GLRA2: variants seen among roughly 807,000 people sequenced by gnomAD.
GLRA2 encodes glycine receptor subunit alpha-2.
In GLRA2, 11 loss-of-function variants were observed where a neutral mutation model predicts 31.6. The observed-to-expected ratio is 0.35, with a 90% CI of 0.22 to 0.58. The LOEUF is 0.58. GLRA2 is among the 20% of genes least tolerant of loss of function. The pLI, the probability that GLRA2 is intolerant of heterozygous loss-of-function variation, is 0.84. For missense variants in GLRA2, 212 were observed against 351.8 expected (o/e 0.60, Z 3.18); for synonymous variants, 132 against 134.0 (o/e 0.99, Z 0.10).
chrX:14,714,469 A>G (rs1025588479), intron 8 of GLRA2, among the ~76,000 whole-genome samples: 1 of 111,853 alleles, frequency 8.9e-6, no homozygotes, highest in Middle Eastern at 4.6e-3. Flanking sequence ...GAGAAGAAAT[A>G]AAGAATGGGT....
chrX:14,490,510 A>G, the GLRA2 span, among the ~76,000 whole-genome samples: 3 of 112,538 alleles, frequency 2.7e-5, no homozygotes, highest in African/African-American at 9.7e-5. Flanking sequence ...GGAACAGACA[A>G]TTCTCTAAAA....
In GLRA2 at chrX:14,647,543, A is replaced by G. The variant is rs6628395; in HGVS notation, c.930+38338A>G. Among the ~76,000 whole-genome samples the G allele has an allele frequency of 1.4e-4, 16 of 111,906 alleles. No individual in the cohort carries two copies. The East Asian group carries it at 2.5e-3, about 18-fold the overall frequency. ...TGGAGAAAGGGAAAACAGGAGACCA[A>G]TGGGACCCTGCTAATAGAGGAAAAC... On this transcript the variant is annotated intron_variant, in intron 7 of 8. Transcript: ENST00000218075.
intron 4 of GLRA2, among the ~76,000 whole-genome samples, chrX:14,603,668 A>G (rs1049856486): frequency 8.9e-6 from 1 of 112,211 alleles, no homozygotes; most frequent in African/African-American, 3.2e-5. Context: ...AAACAAATGC[A>G]ATAAAAACAA....
At chrX:14,557,465 CAT>C (rs2089666462) in intron 2 of GLRA2, among the ~76,000 whole-genome samples, 1 of 111,912 alleles carries the variant, frequency 8.9e-6, no homozygotes, top group Admixed American at 9.5e-5. Flanking sequence ...TTTGCTGAAA[CAT>C]GTGAGACTTT....
chrX:14,605,849 C>A lies in GLRA2; in HGVS notation c.578-1282C>A, dbSNP rs759579221. Among the ~76,000 whole-genome samples the A allele has an allele frequency of 4.5e-5, 5 of 111,186 alleles. No individual in the cohort carries two copies. In the East Asian group the frequency reaches 1.4e-3, roughly 32 times the overall value. ...CAAGAACTTTTATTGTGGTGGCCAA[C>A]GAGAAGCTCACCAGACAAGAACGTG... On this transcript the variant is annotated intron_variant, in intron 5 of 8. Transcript: ENST00000218075.
chrX:14,469,475 GA>G, the GLRA2 span, among the ~76,000 whole-genome samples: 1 of 108,220 alleles, frequency 9.2e-6, no homozygotes, highest in Non-Finnish European at 1.9e-5. Flanking sequence ...ACTGGATTAA[GA>G]AAATGTGGCA....
At chrX:14,632,536 T>C (rs901317858) in intron 7 of GLRA2, among the ~76,000 whole-genome samples, 2 of 111,808 alleles carry the variant, frequency 1.8e-5, no homozygotes, top group African/African-American at 6.5e-5. Context: ...TGTACAGTAA[T>C]AAATATTAAT....
In GLRA2 at chrX:14,730,889, TATACACACACACACAC is replaced by T. The variant is rs2091984779; in HGVS notation, c.*406_*421del. On this transcript the variant is annotated 3_prime_UTR_variant, in exon 9 of 9. Coordinates refer to ENST00000218075, the MANE Select transcript of GLRA2 (RefSeq NM_002063.4). ...CTAATTCTGGTACTGAAAAGTTAGC[TATACACACACACACAC>T]ACACACACACACACACACACACACA... is the stretch of plus-strand genomic sequence containing the variant. 1 of 129,802 alleles carries T rather than the reference TATACACACACACACAC, an allele frequency of 7.7e-6. No homozygotes were observed. Among genetic ancestry groups the T allele is most frequent in the South Asian group, 1.8e-4 (1 of 5,602 alleles). 10.7% of individuals were successfully genotyped at this position (129,802 alleles called of 1,213,427 possible).
chrX:14,574,753 TATATC>T (rs752547356), intron 3 of GLRA2, among the ~76,000 whole-genome samples: 3 of 112,182 alleles, frequency 2.7e-5, no homozygotes, highest in African/African-American at 9.7e-5. Context: ...TCAGTGATCT[TATATC>T]TATCGTGCCA....
chrX:14,460,363 G>A, the GLRA2 span, among the ~76,000 whole-genome samples: 1 of 111,820 alleles, frequency 8.9e-6, no homozygotes, highest in Non-Finnish European at 1.9e-5. Context: ...CCAGGCTTTG[G>A]TATCAGGATG....
At chrX:14,595,384 A>G (rs777279485) in intron 4 of GLRA2, among the ~76,000 whole-genome samples, 16 of 111,673 alleles carry the variant, frequency 1.4e-4, no homozygotes, top group Non-Finnish European at 2.6e-4. Flanking sequence ...CAATTTATAC[A>G]CCATTAATTT....
intron 8 of GLRA2, among the ~76,000 whole-genome samples, chrX:14,715,495 G>T (rs1032532973): frequency 8.9e-6 from 1 of 111,752 alleles, no homozygotes; most frequent in South Asian, 3.7e-4. Flanking sequence ...CCCTGCACTT[G>T]AAAGTTACAT....
chrX:14,559,709 G>A (rs1453838816), intron 2 of GLRA2, among the ~76,000 whole-genome samples: 5 of 109,397 alleles, frequency 4.6e-5, no homozygotes, highest in Middle Eastern at 4.7e-3. Context: ...ATGAGCCACC[G>A]CACCCAGCTT....
intron 7 of GLRA2, among the ~76,000 whole-genome samples, chrX:14,673,979 TC>T (rs1439582311): frequency 8.9e-6 from 1 of 112,442 alleles, no homozygotes; most frequent in African/African-American, 3.2e-5. Context: ...TGTGAGTAAT[TC>T]TTCTGACTCA....
intron 8 of GLRA2, among the ~76,000 whole-genome samples, chrX:14,707,997 CTTCCCTCCCTCCTTCTTTCT>C (rs1440599279): frequency 9.4e-6 from 1 of 105,932 alleles, no homozygotes; most frequent in African/African-American, 3.5e-5. Flanking sequence ...ACCTTCTTTC[CTTCCCTCCCTCCTTCTTTCT>C]TTCATGAGAA....
At chrX:14,714,731 T>C (rs1426885868) in intron 8 of GLRA2, among the ~76,000 whole-genome samples, 1 of 112,532 alleles carries the variant, frequency 8.9e-6, no homozygotes, top group African/African-American at 3.2e-5. Context: ...ATGAAGGTGA[T>C]GTTGTATAAT....
At chrX:14,638,955 A>C (rs1168833087) in intron 7 of GLRA2, among the ~76,000 whole-genome samples, 2 of 111,300 alleles carry the variant, frequency 1.8e-5, no homozygotes, top group Non-Finnish European at 3.8e-5. Context: ...ACACTTGTTG[A>C]GTGAATACCT....
At chrX:14,506,723 C>T in the GLRA2 span, among the ~76,000 whole-genome samples, 1 of 111,721 alleles carries the variant, frequency 9.0e-6, no homozygotes, top group Non-Finnish European at 1.9e-5. Context: ...TTGAATTTGA[C>T]AACCCTAGAT....
the GLRA2 span, among the ~76,000 whole-genome samples, chrX:14,451,563 A>G: frequency 9.6e-6 from 1 of 104,243 alleles, no homozygotes; most frequent in African/African-American, 3.5e-5. Flanking sequence ...GCTTGAACCC[A>G]GGAGGCAGAG....
Sources: gnomAD v4.1 joint callset for allele counts (sites outside exome capture counted in the v4.1 genomes callset) on GRCh38, gnomAD v4.1.1 for gene constraint, MANE v1.5 for transcripts, NCBI Gene and HGNC (gene_info 2026-07-23, HGNC 2026-07-21) for gene names.